The following GABRG3 variants were observed in gnomAD, a reference collection of about 807,000 sequenced individuals.
GABRG3 encodes gamma-aminobutyric acid type A receptor subunit gamma3.
In GABRG3, 25 loss-of-function variants were observed where a neutral mutation model predicts 48.8. The observed-to-expected ratio is 0.51, with a 90% CI of 0.37 to 0.72. The LOEUF (loss-of-function observed/expected upper bound fraction) is 0.72, where lower values mean the gene tolerates loss of function less well. Ranked by LOEUF, GABRG3 falls within the 30% of genes least tolerant of loss-of-function variation. GABRG3 has a pLI of 0.00. For synonymous variants in GABRG3, 227 were observed against 217.6 expected (o/e 1.04, Z -0.38); for missense variants, 394 against 577.9 (o/e 0.68, Z 3.26).
intron 3 of GABRG3, among the ~76,000 whole-genome samples, chr15:27,139,238 C>T (rs1289208008): frequency 6.6e-6 from 1 of 152,106 alleles, no homozygotes; most frequent in African/African-American, 2.4e-5. Flanking sequence ...AGTCCAAGGC[C>T]GCAGGCTTGA....
intron 5 of GABRG3, among the ~76,000 whole-genome samples, chr15:27,385,479 C>T (rs947323247): frequency 6.6e-6 from 1 of 151,962 alleles, no homozygotes; most frequent in Non-Finnish European, 1.5e-5. Flanking sequence ...CGTCTCTCCT[C>T]TCGTTCTGGT....
At chr15:27,209,559 AG>A (rs1377632885) in intron 3 of GABRG3, among the ~76,000 whole-genome samples, 1 of 152,132 alleles carries the variant, frequency 6.6e-6, no homozygotes, top group East Asian at 1.9e-4. Context: ...CCTCAAGACA[AG>A]GAAAGGCCCC....
chr15:27,287,218 G>A (rs997773794), intron 3 of GABRG3, among the ~76,000 whole-genome samples: 1 of 152,060 alleles, frequency 6.6e-6, no homozygotes, highest in Non-Finnish European at 1.5e-5. Flanking sequence ...TACATGGGAA[G>A]AATTATTATT....
chr15:27,132,583 A>T (rs1018230642), intron 3 of GABRG3, among the ~76,000 whole-genome samples: 2 of 135,448 alleles, frequency 1.5e-5, no homozygotes, highest in East Asian at 2.3e-4. Flanking sequence ...TGGGTTTTCT[A>T]TTTATTGGTG....
At chr15:27,200,454 A>C (rs527513630) in intron 3 of GABRG3, among the ~76,000 whole-genome samples, 2 of 152,280 alleles carry the variant, frequency 1.3e-5, no homozygotes, top group South Asian at 4.1e-4. Flanking sequence ...TTGAATCAAG[A>C]ATGCAGGCTG....
intron 5 of GABRG3, among the ~76,000 whole-genome samples, chr15:27,335,820 T>C (rs1288767164): frequency 1.3e-5 from 2 of 152,154 alleles, no homozygotes; most frequent in African/African-American, 4.8e-5. Context: ...ATACATTTTA[T>C]ATTATGGATT....
Position 27,369,806 on chromosome 15 carries a change from C to CAAAAAAAAAAAAAA in GABRG3, c.574+40933_574+40946dup, listed in dbSNP as rs34901488. On this transcript the variant is annotated intron_variant, in intron 5 of 9. Transcript: ENST00000615808. ...TGGGCGACAGAGTGAGACTCCGTCT[C>CAAAAAAAAAAAAAA]AAAAAAAAAAAAAAAAAAAAAAAAA... Among the ~76,000 whole-genome samples, 23 of 30,272 alleles carry CAAAAAAAAAAAAAA rather than the reference C, an allele frequency of 7.6e-4. 2 individuals carry two copies. Among genetic ancestry groups the CAAAAAAAAAAAAAA allele is most frequent in the African/African-American group, 2.0e-3 (22 of 11,136 alleles). 19.9% of individuals were successfully genotyped at this position (30,272 alleles called of 152,430 possible).
chr15:27,284,768 C>G (rs1373128619), intron 3 of GABRG3, among the ~76,000 whole-genome samples: 3 of 152,190 alleles, frequency 2.0e-5, no homozygotes, highest in Non-Finnish European at 4.4e-5. Flanking sequence ...TTGCTTCTTT[C>G]CTCAACTTTG....
chr15:27,295,647 A>C (rs1339625929), intron 3 of GABRG3, among the ~76,000 whole-genome samples: 1 of 152,204 alleles, frequency 6.6e-6, no homozygotes, highest in African/African-American at 2.4e-5. Context: ...CAATATGCGG[A>C]GACTCTCAGC....
rs779263225 is a variant in GABRG3 at position 27,328,813 on chromosome 15, A to G, written c.499A>G (p.Ile167Val). ...CACTTGGCTTTTTCGCAGGCTCACCATCAATGCTGAGTGCCAGCTGCAGCT... is the reference window on the plus strand; with the variant it reads ...CACTTGGCTTTTTCGCAGGCTCACCGTCAATGCTGAGTGCCAGCTGCAGCT... ...GKILYTLRLT[I>V]NAECQLQLHN... The change falls in exon 5 of 10, where the codon ATC becomes GTC. Residue 167 changes from isoleucine to valine, a missense_variant. Physicochemically the swap from Ile to Val is conservative, Grantham distance 29. Coordinates refer to ENST00000615808, the MANE Select transcript of GABRG3 (RefSeq NM_033223.5). 2 of 1,613,980 alleles carry G rather than the reference A, an allele frequency of 1.2e-6. No individual in the cohort carries two copies. The highest frequency in any genetic ancestry group is 1.6e-4 in the Middle Eastern group (1 of 6,062).
intron 7 of GABRG3, among the ~76,000 whole-genome samples, chr15:27,526,602 T>G (rs1891282632): frequency 6.6e-6 from 1 of 152,304 alleles, no homozygotes; most frequent in South Asian, 2.1e-4. Flanking sequence ...ATAGTCTCCA[T>G]GTCTTTTTTC....
At chr15:27,016,513 C>T (rs1288959787) in intron 2 of GABRG3, among the ~76,000 whole-genome samples, 4 of 152,188 alleles carry the variant, frequency 2.6e-5, no homozygotes, top group East Asian at 1.9e-4. Flanking sequence ...TCACTTTTCT[C>T]TTTCTGCTTT....
At chr15:27,197,485 T>G (rs1055131367) in intron 3 of GABRG3, among the ~76,000 whole-genome samples, 1 of 136,586 alleles carries the variant, frequency 7.3e-6, no homozygotes, top group African/African-American at 2.7e-5. Flanking sequence ...TTTTTTTTTT[T>G]ATCATCAGTA....
chr15:27,177,499 G>A (rs553010280), intron 3 of GABRG3, among the ~76,000 whole-genome samples: 4 of 152,274 alleles, frequency 2.6e-5, no homozygotes, highest in African/African-American at 9.6e-5. Flanking sequence ...GGTGGTTTTA[G>A]CCCCCAGAGG....
intron 3 of GABRG3, among the ~76,000 whole-genome samples, chr15:27,257,507 A>G (rs1890657157): frequency 6.6e-6 from 1 of 152,232 alleles, no homozygotes; most frequent in African/African-American, 2.4e-5. Flanking sequence ...CTATAGTTTC[A>G]GGTTTTACAT....
At chr15:27,314,117 A>G (rs1338492171) in intron 3 of GABRG3, among the ~76,000 whole-genome samples, 1 of 152,182 alleles carries the variant, frequency 6.6e-6, no homozygotes, top group East Asian at 1.9e-4. Context: ...TCAGAAATAA[A>G]TAAACGGGAT....
intron 3 of GABRG3, among the ~76,000 whole-genome samples, chr15:27,279,032 G>A (rs890358527): frequency 1.3e-5 from 2 of 152,102 alleles, no homozygotes; most frequent in African/African-American, 4.8e-5. Flanking sequence ...TTGCCTTTCC[G>A]GAACTAAGGT....
At chr15:27,087,913 GTGTGCTGTGGTGTGTGTGTGA>G (rs1897108011) in intron 3 of GABRG3, among the ~76,000 whole-genome samples, 2 of 149,976 alleles carry the variant, frequency 1.3e-5, no homozygotes, top group South Asian at 2.1e-4. Context: ...TGTGAGTGTG[GTGTGCTGTGGTGTGTGTGTGA>G]TGTGCTGTGG....
At chr15:27,238,926 A>C (rs1890055435) in intron 3 of GABRG3, among the ~76,000 whole-genome samples, 1 of 152,214 alleles carries the variant, frequency 6.6e-6, no homozygotes, top group Admixed American at 6.5e-5. Flanking sequence ...ATCCCAACAA[A>C]CAAAATAAAC....
Sources: allele counts gnomAD v4.1 joint callset (sites outside exome capture counted in the v4.1 genomes callset), GRCh38; gene constraint gnomAD v4.1.1; transcripts MANE v1.5; gene names NCBI Gene and HGNC (gene_info 2026-07-23, HGNC 2026-07-21).